The following AKT3 variants were observed in gnomAD, a reference collection of about 807,000 sequenced individuals.
The protein encoded by AKT3 is AKT serine/threonine kinase 3.
AKT3 carries 15 observed loss-of-function variants against 65.3 expected under a neutral mutation model. The ratio of observed to expected loss-of-function variants is 0.23; its 90% CI spans 0.15 to 0.35. AKT3 has a LOEUF of 0.35. Ranked by LOEUF, AKT3 falls within the 10% of genes least tolerant of loss-of-function variation. AKT3 has a pLI of 1.00. For synonymous variants in AKT3, 206 were observed against 183.8 expected, an observed-to-expected ratio of 1.12 and a Z score of -0.98; for missense variants, 243 against 576.5, an observed-to-expected ratio of 0.42 and a Z score of 5.92.
Position 243,500,267 on chromosome 1 carries a change from A to T in AKT3, c.*4982T>A, listed in dbSNP as rs532131586. On this transcript the variant is annotated 3_prime_UTR_variant, in exon 14 of 14. Coordinates refer to ENST00000673466, the MANE Select transcript of AKT3 (RefSeq NM_005465.7). ...TCACCTTTAATCAATGTCCCATCAG[A>T]CTCCATTTTATTTATTTATCGTCCT... The T allele has an allele frequency of 3.9e-5, 9 of 230,448 alleles. No individual in the cohort carries two copies. The East Asian group carries it at 5.7e-4, about 14-fold the overall frequency. 14.3% of individuals were successfully genotyped at this position (230,448 alleles called of 1,614,324 possible).
intron 3 of AKT3, among the ~76,000 whole-genome samples, chr1:243,689,350 T>C (rs1684542034): frequency 6.6e-6 from 1 of 152,094 alleles, no homozygotes; most frequent in African/African-American, 2.4e-5. Context: ...GGTTGTATTA[T>C]CTGTTACACA....
At chr1:243,670,175 G>T (rs1158716799) in intron 3 of AKT3, among the ~76,000 whole-genome samples, 1 of 152,044 alleles carries the variant, frequency 6.6e-6, no homozygotes, top group Non-Finnish European at 1.5e-5. Context: ...CAGTATAATA[G>T]AAATAAACCT....
rs200480903 is a variant in AKT3, at chr1:243,767,195, GC to G, written c.47-71480del. ...CAAAAGAAAGTATGTCAGTAAAAGAGCACAGTCCAATGCAGCAATGAAACAG... is the reference window on the plus strand; with the variant it reads ...CAAAAGAAAGTATGTCAGTAAAAGAGACAGTCCAATGCAGCAATGAAACAG... On this transcript the variant is annotated intron_variant, in intron 2 of 13. Transcript: ENST00000673466. Among the ~76,000 whole-genome samples, 1,159 of 152,206 alleles carry G rather than the reference GC, an allele frequency of 7.6e-3. 9 individuals are homozygous for G. Among genetic ancestry groups the G allele is most frequent in the Non-Finnish European group, 0.013 (870 of 67,988 alleles).
chr1:243,770,750 A>C (rs1033340328), intron 2 of AKT3, among the ~76,000 whole-genome samples: 3 of 147,686 alleles, frequency 2.0e-5, no homozygotes, highest in African/African-American at 7.4e-5. Context: ...AAAAAAAAAC[A>C]TTTTTGGGAC....
At chr1:243,659,233 G>C (rs1174580991) in intron 4 of AKT3, among the ~76,000 whole-genome samples, 1 of 152,212 alleles carries the variant, frequency 6.6e-6, no homozygotes, top group South Asian at 2.1e-4. Flanking sequence ...CACAGAAGCA[G>C]AAAGTAGAAC....
intron 3 of AKT3, among the ~76,000 whole-genome samples, chr1:243,686,846 T>C (rs901783019): frequency 6.7e-6 from 1 of 150,034 alleles, no homozygotes; most frequent in Admixed American, 6.7e-5. Context: ...GTATTTTTAG[T>C]AGAGATGGGG....
In AKT3 at chr1:243,502,522, C is replaced by A. The variant is rs1263555043; in HGVS notation, c.*2727G>T. The A allele has an allele frequency of 4.3e-6, 1 of 233,136 alleles. No individual in the cohort carries two copies. The highest frequency in any genetic ancestry group is 8.5e-6 in the Non-Finnish European group (1 of 118,048). 14.4% of individuals were successfully genotyped at this position (233,136 alleles called of 1,614,324 possible). A position where few individuals can be genotyped will look rare whatever the true frequency, so the allele number is the denominator to read the frequency against. ...GTCTGCAAAGTCTGAACTGTATTCTCATAGAATGATTCCAGGTTTCAGGGT... is the reference window on the plus strand; with the variant it reads ...GTCTGCAAAGTCTGAACTGTATTCTAATAGAATGATTCCAGGTTTCAGGGT... On this transcript the variant is annotated 3_prime_UTR_variant, in exon 14 of 14. Coordinates refer to ENST00000673466, the MANE Select transcript of AKT3 (RefSeq NM_005465.7).
At chr1:243,715,571 T>C (rs1458821252) in intron 2 of AKT3, among the ~76,000 whole-genome samples, 1 of 152,104 alleles carries the variant, frequency 6.6e-6, no homozygotes, top group Non-Finnish European at 1.5e-5. Context: ...CATGATACTA[T>C]CTGGTGTTAA....
chr1:243,620,724 A>C (rs1678684551), intron 6 of AKT3, among the ~76,000 whole-genome samples: 1 of 152,086 alleles, frequency 6.6e-6, no homozygotes, highest in African/African-American at 2.4e-5. Flanking sequence ...TGGAGATGAA[A>C]GCACCGTTGT....
At chr1:243,579,075 A>T (rs1574643303) in intron 8 of AKT3, among the ~76,000 whole-genome samples, 2 of 152,282 alleles carry the variant, frequency 1.3e-5, no homozygotes, top group East Asian at 3.9e-4. Context: ...TTCCAGAGGG[A>T]ACTAGCTTTT....
At chr1:243,643,317 A>G (rs1314316176) in intron 5 of AKT3, among the ~76,000 whole-genome samples, 1 of 152,204 alleles carries the variant, frequency 6.6e-6, no homozygotes, top group Non-Finnish European at 1.5e-5. Flanking sequence ...GTAAATCATG[A>G]GATTATAGCC....
intron 2 of AKT3, among the ~76,000 whole-genome samples, chr1:243,800,505 G>A (rs1692314837): frequency 6.6e-6 from 1 of 152,178 alleles, no homozygotes; most frequent in Admixed American, 6.5e-5. Context: ...GGATCACGAG[G>A]TCAAGAGATC....
At chr1:243,845,600 A>AAAAAAAAG (rs1440405529) in intron 1 of AKT3, among the ~76,000 whole-genome samples, 1 of 144,024 alleles carries the variant, frequency 6.9e-6, no homozygotes, top group Non-Finnish European at 1.5e-5. Context: ...AAAAAAAAAA[A>AAAAAAAAG]AAAGAAAAGA....
chr1:243,613,057 T>TATA (rs1553415156), intron 8 of AKT3: 5 of 96,566 alleles, frequency 5.2e-5, no homozygotes, highest in East Asian at 2.9e-4. Context: ...AAAAAAAAAA[T>TATA]TATATATATA....
At position 243,689,308 on chromosome 1, in the gene AKT3, A is replaced by C. The variant is rs892947422; in HGVS notation, c.172+6283T>G. Among the ~76,000 whole-genome samples the C allele has an allele frequency of 3.3e-5, 5 of 152,110 alleles. No homozygotes were observed. The East Asian group carries it at 9.7e-4, about 29-fold the overall frequency. ...TATAGTATATATTTACATAGTCTGT[A>C]GTTTTTCTAGAATTACAAGGTTATT... is the stretch of plus-strand genomic sequence containing the variant. On this transcript the variant is annotated intron_variant, in intron 3 of 13. Transcript: ENST00000673466.
chr1:243,746,833 T>C (rs2148194851), intron 2 of AKT3, among the ~76,000 whole-genome samples: 1 of 151,320 alleles, frequency 6.6e-6, no homozygotes, highest in South Asian at 2.1e-4. Flanking sequence ...GAAGGAGACA[T>C]CAGAAATTTT....
intron 4 of AKT3, among the ~76,000 whole-genome samples, chr1:243,663,532 T>C (rs1268380579): frequency 2.6e-5 from 4 of 152,114 alleles, no homozygotes; most frequent in African/African-American, 7.2e-5. Flanking sequence ...TGTATCTATA[T>C]GAAAGGCCTA....
At chr1:243,541,546 T>C (rs1455293119) in intron 12 of AKT3, among the ~76,000 whole-genome samples, 2 of 152,144 alleles carry the variant, frequency 1.3e-5, no homozygotes, top group African/African-American at 4.8e-5. Context: ...CCTTGGTTCC[T>C]TTTATTGGAG....
intron 2 of AKT3, among the ~76,000 whole-genome samples, chr1:243,835,693 C>A (rs988799286): frequency 2.0e-5 from 3 of 151,994 alleles, no homozygotes; most frequent in Non-Finnish European, 4.4e-5. Flanking sequence ...ATATTCTGTA[C>A]CCTTTTCCAA....
Sources: gnomAD v4.1 joint callset for allele counts (sites outside exome capture counted in the v4.1 genomes callset) on GRCh38, gnomAD v4.1.1 for gene constraint, MANE v1.5 for transcripts, NCBI Gene and HGNC (gene_info 2026-07-23, HGNC 2026-07-21) for gene names.